Variants in GABRA3 observed in about 807,000 individuals in gnomAD.
GABRA3 encodes gamma-aminobutyric acid receptor subunit alpha-3.
A neutral mutation model predicts 30.1 loss-of-function variants in GABRA3; 10 were observed. That is an observed-to-expected ratio of 0.33 (90% CI 0.20 to 0.56). GABRA3 has a LOEUF of 0.56. Ranked by LOEUF, GABRA3 falls within the 20% of genes least tolerant of loss-of-function variation. The pLI, the probability that GABRA3 is intolerant of heterozygous loss-of-function variation, is 0.89. For missense variants in GABRA3, 233 were observed against 392.0 expected (o/e 0.59, Z 3.42); for synonymous variants, 151 against 146.8 (o/e 1.03, Z -0.21).
chrX:152,232,185 A>T (rs1428446197), intron 5 of GABRA3, among the ~76,000 whole-genome samples: 1 of 111,601 alleles, frequency 9.0e-6, no homozygotes, highest in Non-Finnish European at 1.9e-5. Context: ...TAAATGAATC[A>T]ATATCAGCCT....
intron 5 of GABRA3, among the ~76,000 whole-genome samples, chrX:152,252,081 C>T (rs762142541): frequency 9.0e-6 from 1 of 111,077 alleles, no homozygotes; most frequent in Non-Finnish European, 1.9e-5. Flanking sequence ...ATGTGTCAAT[C>T]TCTCCTCTGA....
intron 1 of GABRA3, among the ~76,000 whole-genome samples, chrX:152,406,381 G>T (rs1929936322): frequency 9.2e-6 from 1 of 108,668 alleles, no homozygotes; most frequent in Non-Finnish European, 1.9e-5. Flanking sequence ...AGAAAAAAAG[G>T]ATGGAAAAAG....
chrX:152,416,897 C>T (rs1426607332), intron 1 of GABRA3, among the ~76,000 whole-genome samples: 153 of 105,649 alleles, frequency 1.4e-3, no homozygotes, highest in African/African-American at 4.6e-3. Flanking sequence ...AAGACTTAAA[C>T]GTTAGACCTA....
At chrX:152,405,306 C>CAAAAA (rs1182138088) in intron 1 of GABRA3, among the ~76,000 whole-genome samples, 1 of 33,730 alleles carries the variant, frequency 3.0e-5, no homozygotes, top group African/African-American at 9.0e-5. Flanking sequence ...CGCACCCTTG[C>CAAAAA]AAAAAAAAAA....
intron 8 of GABRA3, among the ~76,000 whole-genome samples, chrX:152,195,920 C>T (rs1466111552): frequency 9.0e-6 from 1 of 111,160 alleles, no homozygotes; most frequent in Admixed American, 9.6e-5. Flanking sequence ...AAATGCCTTT[C>T]TTTAAAAAGT....
chrX:152,380,461 T>C (rs1031014928), intron 1 of GABRA3, among the ~76,000 whole-genome samples: 1 of 112,326 alleles, frequency 8.9e-6, no homozygotes, highest in Non-Finnish European at 1.9e-5. Flanking sequence ...TAGTATTCCA[T>C]TGTGTATATA....
At chrX:152,243,669 A>G (rs1417484793) in intron 5 of GABRA3, among the ~76,000 whole-genome samples, 3 of 111,780 alleles carry the variant, frequency 2.7e-5, no homozygotes, top group African/African-American at 9.8e-5. Flanking sequence ...AGGGAAGACA[A>G]GAAGTCTAAC....
Position 152,238,602 on chromosome X carries a change from AG to A in GABRA3, c.552-13758del, listed in dbSNP as rs997491697. On this transcript the variant is annotated intron_variant, in intron 5 of 9. Transcript: ENST00000370314. ...CCTCCTTGTACCTCTGGTAGAATTC[AG>A]CTGTGAATCCATCTGGTCCTGGACT... is the stretch of plus-strand genomic sequence containing the variant. Among the ~76,000 whole-genome samples the A allele has an allele frequency of 1.3e-3, 144 of 108,207 alleles. 1 individual carries two copies. Among genetic ancestry groups the A allele is most frequent in the Non-Finnish European group, 2.3e-3 (117 of 51,847 alleles). 94.0% of individuals were successfully genotyped at this position (108,207 alleles called of 115,157 possible). A position where few individuals can be genotyped will look rare whatever the true frequency, so the allele number is the denominator to read the frequency against.
At chrX:152,345,760 A>G (rs1940383295) in intron 2 of GABRA3, 58 bp from the exon 3 acceptor site, 1 of 1,029,258 alleles carries the variant, frequency 9.7e-7, no homozygotes, top group Non-Finnish European at 1.3e-6. Flanking sequence ...AAAAAAATAC[A>G]TGACTAGATA....
At chrX:152,258,167 T>G (rs1226071988) in intron 4 of GABRA3, among the ~76,000 whole-genome samples, 2 of 111,938 alleles carry the variant, frequency 1.8e-5, no homozygotes, top group African/African-American at 3.2e-5. Flanking sequence ...TGAAAAAAAC[T>G]ATAATTAAAA....
intron 5 of GABRA3, among the ~76,000 whole-genome samples, chrX:152,242,780 C>T (rs771385827): frequency 1.8e-4 from 20 of 111,626 alleles, no homozygotes; most frequent in African/African-American, 5.9e-4. Flanking sequence ...CTCTTTCATA[C>T]GGCCATTATA....
intron 1 of GABRA3, among the ~76,000 whole-genome samples, chrX:152,411,481 GA>G (rs768869449): frequency 1.3e-3 from 142 of 111,672 alleles, no homozygotes; most frequent in Non-Finnish European, 2.0e-3. Context: ...AGAGAAAAAA[GA>G]AAAAAATAAT....
chrX:152,370,374 G>A (rs1172305973), intron 1 of GABRA3, among the ~76,000 whole-genome samples: 1 of 111,839 alleles, frequency 8.9e-6, no homozygotes, highest in Non-Finnish European at 1.9e-5. Flanking sequence ...ATACTACAAA[G>A]TCAACTCTGC....
intron 2 of GABRA3, among the ~76,000 whole-genome samples, chrX:152,363,129 G>A (rs1409495045): frequency 9.0e-6 from 1 of 111,196 alleles, no homozygotes; most frequent in Non-Finnish European, 1.9e-5. Flanking sequence ...ATCACTCAGG[G>A]GATCTGTAGG....
At chrX:152,380,408 T>C (rs759350379) in intron 1 of GABRA3, among the ~76,000 whole-genome samples, 4 of 112,375 alleles carry the variant, frequency 3.6e-5, no homozygotes, top group Non-Finnish European at 5.6e-5. Context: ...GGTTCATCTA[T>C]ATTGTCACAA....
chrX:152,193,948 G>T (rs1937355032), intron 8 of GABRA3, among the ~76,000 whole-genome samples: 3 of 111,851 alleles, frequency 2.7e-5, no homozygotes, highest in African/African-American at 9.7e-5. Context: ...AATGAGCCGA[G>T]ATAGCACCAC....
chrX:152,216,617 A>G (rs1295342143), intron 6 of GABRA3, among the ~76,000 whole-genome samples: 2 of 109,649 alleles, frequency 1.8e-5, no homozygotes, highest in Non-Finnish European at 3.8e-5. Context: ...TAGAGAATAG[A>G]ATGGCGGTTA....
At chrX:152,317,158 C>T (rs766227807) in intron 3 of GABRA3, among the ~76,000 whole-genome samples, 3 of 111,653 alleles carry the variant, frequency 2.7e-5, no homozygotes, top group Non-Finnish European at 5.7e-5. Context: ...CAAAAGTGAG[C>T]AGGAGTAGCT....
intron 1 of GABRA3, among the ~76,000 whole-genome samples, chrX:152,402,053 A>G (rs1182014763): frequency 8.9e-6 from 1 of 112,153 alleles, no homozygotes; most frequent in African/African-American, 3.2e-5. Flanking sequence ...CAAGAATCTC[A>G]GATATAAATG....
Sources: allele counts gnomAD v4.1 joint callset (sites outside exome capture counted in the v4.1 genomes callset), GRCh38; gene constraint gnomAD v4.1.1; transcripts MANE v1.5; gene names NCBI Gene and HGNC (gene_info 2026-07-23, HGNC 2026-07-21).